The following ROBO2 variants were observed in gnomAD, a reference collection of about 807,000 sequenced individuals.
The protein encoded by ROBO2 is roundabout homolog 2.
A neutral mutation model predicts 160.8 loss-of-function variants in ROBO2; 53 were observed. The observed-to-expected ratio is 0.33, with a 90% CI of 0.26 to 0.41. ROBO2 has a LOEUF of 0.41. Ranked by LOEUF, ROBO2 falls within the 10% of genes least tolerant of loss-of-function variation. The pLI is 1.00. For missense variants in ROBO2, 1,577 were observed against 1,722.4 expected (o/e 0.92, Z 1.49); for synonymous variants, 664 against 611.7 (o/e 1.09, Z -1.26).
intron 1 of ROBO2, among the ~76,000 whole-genome samples, chr3:77,055,095 A>G (rs761723588): frequency 4.6e-5 from 7 of 152,096 alleles, no homozygotes; most frequent in Non-Finnish European, 1.0e-4. Context: ...ACCAGATACA[A>G]AATCTATTCA....
chr3:76,697,304 T>G (rs559731267), intron 2 of ROBO2, among the ~76,000 whole-genome samples: 9 of 152,178 alleles, frequency 5.9e-5, no homozygotes, highest in Non-Finnish European at 1.2e-4. Flanking sequence ...ATGTGAACTG[T>G]TTGTCCAGGT....
At chr3:77,300,200 T>C (rs2062532078) in intron 2 of ROBO2, among the ~76,000 whole-genome samples, 1 of 142,214 alleles carries the variant, frequency 7.0e-6, no homozygotes, top group Non-Finnish European at 1.6e-5. Context: ...TTTTTTTTTT[T>C]TTACTGCTCT....
At chr3:77,617,701 T>A (rs770456757) in exon 22 of ROBO2, 14 of 1,613,952 alleles carry the variant, frequency 8.7e-6, no homozygotes, top group Non-Finnish European at 1.2e-5. Flanking sequence ...CGGGAAGAGA[T>A]GCAACCCATG....
chr3:75,974,318 G>A (rs1343131626), intron 2 of ROBO2, among the ~76,000 whole-genome samples: 1 of 151,566 alleles, frequency 6.6e-6, no homozygotes, highest in Non-Finnish European at 1.5e-5. Context: ...ATTCAGATAA[G>A]TATTAATTTT....
At chr3:76,621,980 T>G (rs2089123724) in intron 2 of ROBO2, among the ~76,000 whole-genome samples, 2 of 152,046 alleles carry the variant, frequency 1.3e-5, no homozygotes, top group Admixed American at 1.3e-4. Flanking sequence ...CTCCCATTCC[T>G]TCTTTATTAT....
intron 2 of ROBO2, among the ~76,000 whole-genome samples, chr3:76,021,543 A>G (rs2066574707): frequency 6.6e-6 from 1 of 151,938 alleles, no homozygotes; most frequent in Non-Finnish European, 1.5e-5. Context: ...GAGATATTGC[A>G]GATTCAGTTC....
chr3:76,557,117 C>T (rs2083844347), intron 2 of ROBO2, among the ~76,000 whole-genome samples: 2 of 151,982 alleles, frequency 1.3e-5, no homozygotes, highest in African/African-American at 4.8e-5. Flanking sequence ...ACCAGTGACC[C>T]TACATTTGCT....
At chr3:75,936,747 C>T (rs556929330) in intron 1 of ROBO2, among the ~76,000 whole-genome samples, 3 of 151,912 alleles carry the variant, frequency 2.0e-5, no homozygotes, top group African/African-American at 7.2e-5. Context: ...GAATAAATAA[C>T]CTTGCTTTGG....
chr3:77,566,575 A>C (rs1348583564), intron 12 of ROBO2, among the ~76,000 whole-genome samples: 2 of 152,212 alleles, frequency 1.3e-5, no homozygotes, highest in East Asian at 3.9e-4. Flanking sequence ...AAACGTAGAG[A>C]GAGATCAGAA....
intron 2 of ROBO2, among the ~76,000 whole-genome samples, chr3:76,152,193 G>A (rs545556309): frequency 6.6e-6 from 1 of 152,244 alleles, no homozygotes; most frequent in East Asian, 1.9e-4. Flanking sequence ...TAAGCCATCA[G>A]GCTATCTCCC....
At chr3:77,334,524 T>G (rs2066288127) in intron 2 of ROBO2, among the ~76,000 whole-genome samples, 1 of 152,210 alleles carries the variant, frequency 6.6e-6, no homozygotes, top group Admixed American at 6.5e-5. Context: ...CTGCTTTCAT[T>G]CATTCATACA....
intron 2 of ROBO2, among the ~76,000 whole-genome samples, chr3:76,099,650 T>C (rs1559551901): frequency 6.6e-6 from 1 of 152,188 alleles, no homozygotes; most frequent in East Asian, 1.9e-4. Context: ...GTAAATTTTA[T>C]ACTTGTGCCA....
At chr3:77,439,657 G>A (rs1228648657) in intron 2 of ROBO2, among the ~76,000 whole-genome samples, 2 of 151,964 alleles carry the variant, frequency 1.3e-5, no homozygotes, top group African/African-American at 4.8e-5. Context: ...CTAACCATTA[G>A]TATTAAGGAG....
chr3:76,934,312 TCC>T (rs2149072291), intron 2 of ROBO2, among the ~76,000 whole-genome samples: 1 of 152,252 alleles, frequency 6.6e-6, no homozygotes, highest in Admixed American at 6.5e-5. Flanking sequence ...GTGATGATTC[TCC>T]CTTACTGTTT....
chr3:77,548,014 CAT>C (rs1042932385), intron 7 of ROBO2, among the ~76,000 whole-genome samples: 7 of 151,354 alleles, frequency 4.6e-5, no homozygotes, highest in Middle Eastern at 3.2e-3. Context: ...TATACACACA[CAT>C]ACCACACACA....
intron 2 of ROBO2, among the ~76,000 whole-genome samples, chr3:77,286,368 T>C (rs1377812490): frequency 6.6e-6 from 1 of 151,888 alleles, no homozygotes; most frequent in African/African-American, 2.4e-5. Flanking sequence ...ACGATTCTTT[T>C]GCCTCAGCCT....
intron 2 of ROBO2, among the ~76,000 whole-genome samples, chr3:76,724,714 A>G (rs2093520391): frequency 6.6e-6 from 1 of 152,152 alleles, no homozygotes; most frequent in Non-Finnish European, 1.5e-5. Context: ...GGCCCCAAAG[A>G]TATCACACCC....
rs2093368430 is a variant in ROBO2, at chr3:76,715,721, A to G, written c.110-382293A>G. ...TATTGGCATTTGTGGGAATTGTTCT[A>G]AGAACATTTAGCCATTTCAATCCAA... On this transcript the variant is annotated intron_variant, in intron 2 of 26. Coordinates refer to the ROBO2 transcript ENST00000487694. Among the ~76,000 whole-genome samples, 2 of 152,204 alleles carry G rather than the reference A, an allele frequency of 1.3e-5. 1 individual carries two copies. Among genetic ancestry groups the G allele is most frequent in the Admixed American group, 1.3e-4 (2 of 15,280 alleles).
chr3:77,264,669 A>G (rs1358476668), intron 2 of ROBO2, among the ~76,000 whole-genome samples: 1 of 152,138 alleles, frequency 6.6e-6, no homozygotes, highest in Non-Finnish European at 1.5e-5. Context: ...CCATTCACAG[A>G]CTTCTAGAAT....
Sources: gnomAD v4.1 joint callset for allele counts (sites outside exome capture counted in the v4.1 genomes callset) on GRCh38, gnomAD v4.1.1 for gene constraint, MANE v1.5 for transcripts, NCBI Gene and HGNC (gene_info 2026-07-23, HGNC 2026-07-21) for gene names.